Variants in TBC1D5 observed in about 807,000 individuals in gnomAD.
The protein encoded by TBC1D5 is TBC1 domain family member 5.
In TBC1D5, 75 loss-of-function variants were observed where a neutral mutation model predicts 100.3. The observed-to-expected ratio is 0.75, with a 90% CI of 0.62 to 0.91. The LOEUF is 0.91. Ranked by LOEUF, TBC1D5 falls within the 40% of genes least tolerant of loss-of-function variation. The probability of loss-of-function intolerance (pLI) is 0.00; values close to 1 mark genes in which losing one functional copy is unlikely to be tolerated. For synonymous variants in TBC1D5, 323 were observed against 325.6 expected (o/e 0.99, Z 0.09); for missense variants, 910 against 942.4 (o/e 0.97, Z 0.45).
intron 1 of TBC1D5, among the ~76,000 whole-genome samples, chr3:17,660,985 A>T (rs1229215863): frequency 6.6e-6 from 1 of 152,214 alleles, no homozygotes; most frequent in Non-Finnish European, 1.5e-5. Flanking sequence ...ATCCACTAAA[A>T]GCTCAGTCAC....
intron 16 of TBC1D5, among the ~76,000 whole-genome samples, chr3:17,249,423 AAT>A (rs1313127415): frequency 2.0e-5 from 3 of 152,158 alleles, no homozygotes; most frequent in African/African-American, 2.4e-5. Context: ...ATATGGTTTG[AAT>A]ATGTTTTCCC....
chr3:17,327,210 G>T (rs1004219781), intron 13 of TBC1D5, among the ~76,000 whole-genome samples: 1 of 152,010 alleles, frequency 6.6e-6, no homozygotes, highest in African/African-American at 2.4e-5. Context: ...AAGTTTATTT[G>T]CTAGTGGAAA....
chr3:17,378,877 T>C (rs1187696122), intron 9 of TBC1D5, among the ~76,000 whole-genome samples: 1 of 151,774 alleles, frequency 6.6e-6, no homozygotes, highest in Non-Finnish European at 1.5e-5. Flanking sequence ...TGATTAATCA[T>C]TCCATCTTCA....
intron 3 of TBC1D5, among the ~76,000 whole-genome samples, chr3:17,443,395 C>A (rs2094711468): frequency 6.6e-6 from 1 of 152,176 alleles, no homozygotes; most frequent in South Asian, 2.1e-4. Flanking sequence ...ATAACTCATA[C>A]CCTATAGTTC....
intron 2 of TBC1D5, among the ~76,000 whole-genome samples, chr3:17,563,395 C>G (rs1312799226): frequency 1.3e-5 from 2 of 151,980 alleles, no homozygotes; most frequent in Non-Finnish European, 2.9e-5. Flanking sequence ...GAAAAGGGTA[C>G]AGTGAGAAGA....
chr3:17,439,279 A>C (rs996906388), intron 3 of TBC1D5, among the ~76,000 whole-genome samples: 1 of 152,070 alleles, frequency 6.6e-6, no homozygotes, highest in African/African-American at 2.4e-5. Context: ...ATTCACTGGG[A>C]CTCTATGCAG....
At chr3:17,380,688 C>A (rs1204805514) in intron 9 of TBC1D5, among the ~76,000 whole-genome samples, 1 of 152,008 alleles carries the variant, frequency 6.6e-6, no homozygotes, top group African/African-American at 2.4e-5. Context: ...CAAAAGTTTT[C>A]TTCAACAGCC....
intron 1 of TBC1D5, among the ~76,000 whole-genome samples, chr3:17,679,314 T>C (rs2069127720): frequency 6.6e-6 from 1 of 151,600 alleles, no homozygotes; most frequent in South Asian, 2.1e-4. Context: ...GTTACAGAGA[T>C]GTTTTATAAT....
chr3:17,491,366 AG>A (rs2095637784), intron 3 of TBC1D5, among the ~76,000 whole-genome samples: 1 of 152,110 alleles, frequency 6.6e-6, no homozygotes. Context: ...GAGTGGTGAG[AG>A]AGGGTGTTCT....
At chr3:17,428,567 T>TA in intron 3 of TBC1D5, 48 bp from the exon 4 acceptor site, 3 of 1,086,944 alleles carry the variant, frequency 2.8e-6, no homozygotes, top group Non-Finnish European at 3.9e-6. Flanking sequence ...AAACTGAATA[T>TA]TTCAGTTGAA....
intron 1 of TBC1D5, among the ~76,000 whole-genome samples, chr3:17,738,407 T>A (rs1247882096): frequency 2.0e-5 from 3 of 151,974 alleles, no homozygotes; most frequent in Non-Finnish European, 2.9e-5. Flanking sequence ...ACACACTCTC[T>A]CTCTCTCTCT....
At chr3:17,190,381 G>T (rs2069721210) in intron 18 of TBC1D5, among the ~76,000 whole-genome samples, 1 of 152,194 alleles carries the variant, frequency 6.6e-6, no homozygotes, top group Admixed American at 6.5e-5. Flanking sequence ...GAAAGGAAAG[G>T]AGGTTTTCTA....
chr3:17,709,914 G>C (rs896414082), intron 1 of TBC1D5, among the ~76,000 whole-genome samples: 1 of 151,882 alleles, frequency 6.6e-6, no homozygotes, highest in Non-Finnish European at 1.5e-5. Context: ...TCTCACCTGC[G>C]GCACTACACC....
intron 13 of TBC1D5, among the ~76,000 whole-genome samples, chr3:17,357,026 C>A (rs1355877404): frequency 1.3e-5 from 2 of 151,988 alleles, no homozygotes; most frequent in Non-Finnish European, 2.9e-5. Flanking sequence ...TATATACATT[C>A]CTAATAAATG....
At chr3:17,456,199 C>CA (rs141837174) in intron 3 of TBC1D5, among the ~76,000 whole-genome samples, 180 of 151,306 alleles carry the variant, frequency 1.2e-3, no homozygotes, top group African/African-American at 3.4e-3. Flanking sequence ...TAAACTACCA[C>CA]AAAAAAAAAT....
intron 3 of TBC1D5, among the ~76,000 whole-genome samples, chr3:17,483,288 C>G (rs2095521820): frequency 6.6e-6 from 1 of 152,002 alleles, no homozygotes; most frequent in Non-Finnish European, 1.5e-5. Context: ...CATTCTTAAA[C>G]CACCCCCCAC....
intron 1 of TBC1D5, among the ~76,000 whole-genome samples, chr3:17,698,360 A>T (rs1450257508): frequency 6.6e-6 from 1 of 151,534 alleles, no homozygotes; most frequent in Non-Finnish European, 1.5e-5. Flanking sequence ...CTGAAACTGG[A>T]ACCCTTCCTT....
At chr3:17,580,624 C>G (rs983091396) in intron 2 of TBC1D5, among the ~76,000 whole-genome samples, 2 of 152,108 alleles carry the variant, frequency 1.3e-5, no homozygotes, top group African/African-American at 4.8e-5. Flanking sequence ...TTGGAGCACT[C>G]CCATTAGTAT....
chr3:17,529,456 T>C (rs1233685486), intron 2 of TBC1D5, among the ~76,000 whole-genome samples: 1 of 152,098 alleles, frequency 6.6e-6, no homozygotes. Context: ...TGGCCCTATC[T>C]TTCCATCATT....
Sources: allele counts gnomAD v4.1 joint callset (sites outside exome capture counted in the v4.1 genomes callset), GRCh38; gene constraint gnomAD v4.1.1; transcripts MANE v1.5; gene names NCBI Gene and HGNC (gene_info 2026-07-23, HGNC 2026-07-21).